The following OPCML variants were observed in gnomAD, a reference collection of about 807,000 sequenced individuals.
OPCML encodes opioid-binding protein/cell adhesion molecule.
In OPCML, 13 loss-of-function variants were observed where a neutral mutation model predicts 37.8. That is an observed-to-expected ratio of 0.34 (90% CI 0.22 to 0.55). OPCML has a LOEUF of 0.55. OPCML is among the 20% of genes least tolerant of loss of function. OPCML has a pLI of 0.91. For missense variants in OPCML, 341 were observed against 435.6 expected (o/e 0.78, Z 1.93); for synonymous variants, 176 against 168.8 (o/e 1.04, Z -0.33).
intron 2 of OPCML, among the ~76,000 whole-genome samples, chr11:132,781,134 T>C (rs141960179): frequency 1.3e-5 from 2 of 152,168 alleles, no homozygotes; most frequent in African/African-American, 4.8e-5. Context: ...GAATTTCATG[T>C]GTCAAGCTAA....
chr11:132,631,482 C>T (rs1451087690), intron 3 of OPCML, among the ~76,000 whole-genome samples: 2 of 149,906 alleles, frequency 1.3e-5, no homozygotes, highest in Admixed American at 6.7e-5. Context: ...TTTTTTGAGA[C>T]GGAGTCTGGC....
intron 1 of OPCML, among the ~76,000 whole-genome samples, chr11:133,226,077 C>G (rs953865369): frequency 2.0e-5 from 3 of 152,234 alleles, no homozygotes; most frequent in Admixed American, 6.5e-5. Flanking sequence ...TTTGAAATTT[C>G]CTGTGGTCAC....
At chr11:133,287,244 AT>A (rs958508158) in intron 1 of OPCML, among the ~76,000 whole-genome samples, 46 of 141,908 alleles carry the variant, frequency 3.2e-4, no homozygotes, top group South Asian at 4.5e-4. Context: ...TATTCAAAAT[AT>A]TTTTTTTAAT....
At chr11:132,877,672 T>C (rs1350307316) in intron 2 of OPCML, among the ~76,000 whole-genome samples, 1 of 152,202 alleles carries the variant, frequency 6.6e-6, no homozygotes, top group Non-Finnish European at 1.5e-5. Context: ...GTGGCCACTT[T>C]CTTCATTATA....
chr11:132,723,068 T>C (rs1179857314), intron 2 of OPCML, among the ~76,000 whole-genome samples: 3 of 152,086 alleles, frequency 2.0e-5, no homozygotes, highest in Non-Finnish European at 4.4e-5. Context: ...AACCTGATAA[T>C]GCACTTTGCC....
rs542552188 is a variant in OPCML, at chr11:132,502,359, T to A, written c.505+26702A>T. ...AGGCTCTCCCTTCTTCACCCTTGCA[T>A]CCTCTTTTTAAGCATTAATAGTGCC... On this transcript the variant is annotated intron_variant, in intron 4 of 7. Coordinates refer to ENST00000524381, the MANE Select transcript of OPCML (RefSeq NM_001012393.5). 7.0e-4 allele frequency among the ~76,000 whole-genome samples: 107 copies of A among 152,308 alleles called. 1 individual carries two copies. Among genetic ancestry groups the A allele is most frequent in the Non-Finnish European group, 1.3e-3 (89 of 68,026 alleles).
At chr11:132,835,479 T>C (rs980056610) in intron 2 of OPCML, among the ~76,000 whole-genome samples, 17 of 152,184 alleles carry the variant, frequency 1.1e-4, no homozygotes, top group Admixed American at 7.9e-4. Context: ...AGAACCAGAG[T>C]CTGTCTCTCC....
intron 1 of OPCML, among the ~76,000 whole-genome samples, chr11:133,207,903 C>T (rs1231902600): frequency 2.2e-5 from 3 of 133,820 alleles, no homozygotes; most frequent in African/African-American, 4.2e-5. Context: ...CCCTGTAACA[C>T]GCTCTGTTTT....
intron 1 of OPCML, among the ~76,000 whole-genome samples, chr11:133,367,335 C>T (rs1049047804): frequency 6.6e-6 from 1 of 152,116 alleles, no homozygotes; most frequent in Non-Finnish European, 1.5e-5. Flanking sequence ...TTACTCTTCC[C>T]CCTGCTCCAA....
chr11:132,840,494 C>T (rs1165365700), intron 2 of OPCML, among the ~76,000 whole-genome samples: 2 of 152,120 alleles, frequency 1.3e-5, no homozygotes, highest in African/African-American at 4.8e-5. Flanking sequence ...GTTTGAAGTT[C>T]TGCTAGTGGG....
chr11:132,762,811 A>C (rs1946310511), intron 2 of OPCML, among the ~76,000 whole-genome samples: 1 of 151,860 alleles, frequency 6.6e-6, no homozygotes, highest in Non-Finnish European at 1.5e-5. Flanking sequence ...CCCCCTTTCC[A>C]GGGGAGTTAA....
intron 2 of OPCML, among the ~76,000 whole-genome samples, chr11:132,784,627 G>A (rs2136161688): frequency 6.6e-6 from 1 of 152,212 alleles, no homozygotes; most frequent in Non-Finnish European, 1.5e-5. Context: ...GACCTCCAAT[G>A]TTGGACGTGG....
At chr11:133,346,057 T>G (rs1180727800) in intron 1 of OPCML, among the ~76,000 whole-genome samples, 1 of 152,194 alleles carries the variant, frequency 6.6e-6, no homozygotes, top group Admixed American at 6.5e-5. Flanking sequence ...AAGTTGAGGT[T>G]GTTTAGGTTT....
intron 2 of OPCML, among the ~76,000 whole-genome samples, chr11:132,915,392 G>A (rs1199153978): frequency 6.6e-6 from 1 of 152,200 alleles, no homozygotes; most frequent in Non-Finnish European, 1.5e-5. Flanking sequence ...TGGGAAGGCT[G>A]GCAAGACCTC....
chr11:133,122,976 A>T (rs1565458537), intron 1 of OPCML, among the ~76,000 whole-genome samples: 1 of 152,212 alleles, frequency 6.6e-6, no homozygotes, highest in Non-Finnish European at 1.5e-5. Flanking sequence ...AAAATACTGC[A>T]AAGATAGATA....
intron 1 of OPCML, among the ~76,000 whole-genome samples, chr11:133,336,733 T>A (rs533609678): frequency 6.6e-6 from 1 of 152,244 alleles, no homozygotes; most frequent in East Asian, 1.9e-4. Context: ...TTTTAGTGAA[T>A]GTCCTTGCTC....
At chr11:132,482,277 G>C (rs1209066058) in intron 4 of OPCML, among the ~76,000 whole-genome samples, 1 of 152,094 alleles carries the variant, frequency 6.6e-6, no homozygotes, top group Non-Finnish European at 1.5e-5. Context: ...TACCATCAGA[G>C]AATACTACAA....
intron 1 of OPCML, among the ~76,000 whole-genome samples, chr11:133,078,906 C>G (rs1181683856): frequency 1.3e-5 from 2 of 152,138 alleles, no homozygotes; most frequent in Admixed American, 6.5e-5. Context: ...AAATACAAAG[C>G]ACCCACCTAC....
chr11:132,791,098 G>A (rs1290144902), intron 2 of OPCML, among the ~76,000 whole-genome samples: 1 of 152,164 alleles, frequency 6.6e-6, no homozygotes, highest in African/African-American at 2.4e-5. Context: ...CATCTGTAGG[G>A]AGGACCATGG....
Sources: allele counts gnomAD v4.1 joint callset (sites outside exome capture counted in the v4.1 genomes callset), GRCh38; gene constraint gnomAD v4.1.1; transcripts MANE v1.5; gene names NCBI Gene and HGNC (gene_info 2026-07-23, HGNC 2026-07-21).